The following TBC1D30 variants were observed in gnomAD, a reference collection of about 807,000 sequenced individuals.
TBC1D30 encodes TBC1 domain family member 30, also known as TBC1 domain family, member 30.
A neutral mutation model predicts 63.2 loss-of-function variants in TBC1D30; 31 were observed. The observed-to-expected ratio is 0.49, with a 90% CI of 0.37 to 0.66. The LOEUF is 0.66. Ranked by LOEUF, TBC1D30 falls within the 30% of genes least tolerant of loss-of-function variation. The pLI, the probability that TBC1D30 is intolerant of heterozygous loss-of-function variation, is 0.00. For synonymous variants in TBC1D30, 307 were observed against 361.5 expected, an observed-to-expected ratio of 0.85 and a Z score of 1.71; for missense variants, 810 against 953.6, an observed-to-expected ratio of 0.85 and a Z score of 1.98.
At chr12:64,835,980 C>T (rs1376083482) in intron 5 of TBC1D30, among the ~76,000 whole-genome samples, 1 of 152,088 alleles carries the variant, frequency 6.6e-6, no homozygotes, top group East Asian at 1.9e-4. Context: ...TTGCATTTTC[C>T]CAGGAAGCGG....
rs926880309 is a variant in TBC1D30 at position 64,784,872 on chromosome 12, A to G, written c.479-1009A>G. 1.7e-4 allele frequency among the ~76,000 whole-genome samples: 3 copies of G among 17,216 alleles called. No individual in the cohort carries two copies. In the African/African-American group the frequency reaches 6.0e-3, roughly 34 times the overall value. The allele number at this position is 17,216 out of a possible 152,430, so 11.3% of individuals were successfully genotyped here. Reference sequence around the variant, plus strand: ...CTGGAACTTAAAGTAAAATAAAGTAAAAAAAAAAAAACTGCTGTTGTGAAT... The same window carrying G: ...CTGGAACTTAAAGTAAAATAAAGTAGAAAAAAAAAAACTGCTGTTGTGAAT... On this transcript the variant is annotated intron_variant, in intron 1 of 12. Coordinates refer to the TBC1D30 transcript ENST00000542120.
chr12:64,864,611 G>A, intron 8 of TBC1D30, 57 bp from the exon 9 acceptor site: 2 of 1,166,692 alleles, frequency 1.7e-6, no homozygotes, highest in Admixed American at 2.0e-5. Context: ...TTCCAGGATT[G>A]ATAAGAGTTG....
At chr12:64,829,492 G>C (rs1251402384) in intron 3 of TBC1D30, among the ~76,000 whole-genome samples, 1 of 152,202 alleles carries the variant, frequency 6.6e-6, no homozygotes, top group African/African-American at 2.4e-5. Context: ...AGTAGGTGAG[G>C]TGTGTGTGTG....
At chr12:64,827,921 T>G (rs1190652554) in intron 2 of TBC1D30, 25 bp downstream of exon 2, 2 of 1,505,552 alleles carry the variant, frequency 1.3e-6, no homozygotes. Flanking sequence ...GAAAACACTC[T>G]TCTTTTGGGG....
rs1877353228 is a variant in TBC1D30 at position 64,856,924 on chromosome 12, A to C, written c.1039-7744A>C. Among the ~76,000 whole-genome samples the C allele has an allele frequency of 2.6e-5, 4 of 151,968 alleles. No homozygotes were observed. The South Asian group carries it at 8.3e-4, about 32-fold the overall frequency. On this transcript the variant is annotated intron_variant, in intron 8 of 11. Transcript: ENST00000539867. Reference sequence around the variant, plus strand: ...CTGGGCCACTACCAATGTTTGCTTAAAGCCCAAGGGCTCTTCCATCAGCTT... The same window carrying C: ...CTGGGCCACTACCAATGTTTGCTTACAGCCCAAGGGCTCTTCCATCAGCTT...
intron 10 of TBC1D30, chr12:64,868,826 A>G (rs1878430447): frequency 6.3e-6 from 1 of 158,106 alleles, no homozygotes; most frequent in Non-Finnish European, 1.4e-5. Context: ...AGCTTTCTCA[A>G]AGGCCCCAGT....
At chr12:64,782,910 TACAC>T (rs1257837791) in intron 1 of TBC1D30, among the ~76,000 whole-genome samples, 1 of 152,206 alleles carries the variant, frequency 6.6e-6, no homozygotes, top group Admixed American at 6.5e-5. Flanking sequence ...TGTGCACACA[TACAC>T]ACACTAACAT....
intron 2 of TBC1D30, among the ~76,000 whole-genome samples, chr12:64,797,916 C>T (rs2136311992): frequency 6.6e-6 from 1 of 152,238 alleles, no homozygotes; most frequent in Admixed American, 6.5e-5. Flanking sequence ...TGATTTCAAC[C>T]AGTATAGAAG....
At chr12:64,813,282 CGG>C (rs1291075925) in intron 2 of TBC1D30, among the ~76,000 whole-genome samples, 1 of 151,854 alleles carries the variant, frequency 6.6e-6, no homozygotes, top group African/African-American at 2.4e-5. Context: ...CCCAGCTACT[CGG>C]GAGGGTGAGG....
Position 64,878,089 on chromosome 12 carries a change from C to T in TBC1D30, c.*2301C>T, listed in dbSNP as rs558452196. Reference sequence around the variant, plus strand: ...ATGAGGTAACACACAGTTTGGGATACGTATCTGTTGAATGAATGAATAAGT... The same window carrying T: ...ATGAGGTAACACACAGTTTGGGATATGTATCTGTTGAATGAATGAATAAGT... On this transcript the variant is annotated 3_prime_UTR_variant, in exon 12 of 12. Coordinates refer to ENST00000539867, the MANE Select transcript of TBC1D30 (RefSeq NM_015279.2). The T allele has an allele frequency of 3.8e-4, 79 of 205,808 alleles. No homozygotes were observed. Among genetic ancestry groups the T allele is most frequent in the African/African-American group, 1.7e-3 (74 of 43,856 alleles). 12.7% of individuals were successfully genotyped at this position (205,808 alleles called of 1,614,324 possible).
At chr12:64,849,160 A>G (rs543590932) in intron 8 of TBC1D30, among the ~76,000 whole-genome samples, 2 of 152,172 alleles carry the variant, frequency 1.3e-5, no homozygotes, top group South Asian at 2.1e-4. Flanking sequence ...AGTTCCTTGT[A>G]GATTCTGGAT....
rs1173806974 is a variant in TBC1D30, at chr12:64,864,645, G to A, written c.1039-23G>A. ...TGTGAAGGCTACTGTTTCAGACTTGGCATTTTTGCTTTTGTTTTACAGACT... is the reference window on the plus strand; with the variant it reads ...TGTGAAGGCTACTGTTTCAGACTTGACATTTTTGCTTTTGTTTTACAGACT... On this transcript the variant is annotated intron_variant, in intron 8 of 11. Coordinates refer to ENST00000539867, the MANE Select transcript of TBC1D30 (RefSeq NM_015279.2). The A allele has an allele frequency of 5.4e-6, 8 of 1,473,684 alleles. No individual in the cohort carries two copies. The South Asian group carries it at 9.7e-5, about 18-fold the overall frequency. The allele number at this position is 1,473,684 out of a possible 1,614,324, so 91.3% of individuals were successfully genotyped here.
intron 7 of TBC1D30, among the ~76,000 whole-genome samples, chr12:64,842,279 A>G (rs1003452723): frequency 6.6e-6 from 1 of 152,216 alleles, no homozygotes; most frequent in Non-Finnish European, 1.5e-5. Flanking sequence ...GGATTGCTTA[A>G]GCCCAACAGG....
intron 2 of TBC1D30, among the ~76,000 whole-genome samples, chr12:64,816,369 T>C (rs760467108): frequency 3.3e-5 from 5 of 152,168 alleles, no homozygotes; most frequent in Non-Finnish European, 7.4e-5. Context: ...GAGAGTGTAA[T>C]ACCTTGTAGA....
At chr12:64,781,204 C>T (rs951735755) in exon 1 of TBC1D30, 92 of 1,101,118 alleles carry the variant, frequency 8.4e-5, no homozygotes, top group Non-Finnish European at 9.9e-5. Flanking sequence ...GCGGCCGCAG[C>T]GGTGCCGGCG....
chr12:64,870,287 T>C (rs1878550728), intron 10 of TBC1D30, among the ~76,000 whole-genome samples: 1 of 152,206 alleles, frequency 6.6e-6, no homozygotes, highest in African/African-American at 2.4e-5. Context: ...TCTAAGGAAA[T>C]CTTAGACAAT....
chr12:64,804,196 G>A (rs1012339976), intron 2 of TBC1D30, among the ~76,000 whole-genome samples: 1 of 152,188 alleles, frequency 6.6e-6, no homozygotes, highest in African/African-American at 2.4e-5. Flanking sequence ...TATCCTTGAA[G>A]AGGTCCTTCA....
chr12:64,762,184 A>G (rs914793824), intron 1 of TBC1D30, among the ~76,000 whole-genome samples: 5 of 152,238 alleles, frequency 3.3e-5, no homozygotes, highest in African/African-American at 1.2e-4. Flanking sequence ...AGCACAGAGT[A>G]CAGCATATGC....
At chr12:64,778,766 C>T (rs779613745), upstream of TBC1D30, among the ~76,000 whole-genome samples, 3 of 151,866 alleles carry the variant, frequency 2.0e-5, no homozygotes, top group Non-Finnish European at 4.4e-5. Context: ...CTTCATGATC[C>T]GTCCACCTCG....
Sources: gnomAD v4.1 joint callset for allele counts (sites outside exome capture counted in the v4.1 genomes callset) on GRCh38, gnomAD v4.1.1 for gene constraint, MANE v1.5 for transcripts, NCBI Gene and HGNC (gene_info 2026-07-23, HGNC 2026-07-21) for gene names.